LRRC4C: variants seen among roughly 807,000 people sequenced by gnomAD.
The protein encoded by LRRC4C is leucine rich repeat containing 4C.
In LRRC4C, 5 loss-of-function variants were observed where a neutral mutation model predicts 33.6. The observed-to-expected ratio is 0.15, with a 90% CI of 0.08 to 0.31. LRRC4C has a LOEUF of 0.31. Among genes scored for constraint, LRRC4C ranks in the 10% least tolerant of loss-of-function variants. The pLI is 1.00. For missense variants in LRRC4C, 560 were observed against 796.7 expected (o/e 0.70, Z 3.58); for synonymous variants, 329 against 302.0 (o/e 1.09, Z -0.93).
intron 5 of LRRC4C, among the ~76,000 whole-genome samples, chr11:40,146,611 A>G (rs1857753823): frequency 6.6e-6 from 1 of 152,200 alleles, no homozygotes; most frequent in Non-Finnish European, 1.5e-5. Flanking sequence ...GTAGAAAATC[A>G]CAAAGATGGT....
At chr11:41,208,306 AG>A (rs1300441647) in intron 1 of LRRC4C, among the ~76,000 whole-genome samples, 1 of 152,238 alleles carries the variant, frequency 6.6e-6, no homozygotes. Context: ...GTTACGGCTT[AG>A]TTTTCTTTTA....
chr11:40,558,974 G>A (rs1051285015), intron 3 of LRRC4C, among the ~76,000 whole-genome samples: 6 of 152,084 alleles, frequency 3.9e-5, no homozygotes, highest in South Asian at 2.1e-4. Context: ...TTTTGTTCCC[G>A]TGCTAGTTTG....
chr11:41,073,547 G>A (rs553932355), intron 1 of LRRC4C, among the ~76,000 whole-genome samples: 23 of 152,238 alleles, frequency 1.5e-4, no homozygotes, highest in Middle Eastern at 3.4e-3. Context: ...GTAGTCACAC[G>A]GCTAACCCAT....
chr11:40,594,125 T>C (rs1026234903), intron 3 of LRRC4C, among the ~76,000 whole-genome samples: 1 of 152,184 alleles, frequency 6.6e-6, no homozygotes, highest in African/African-American at 2.4e-5. Context: ...ATTGCAATAG[T>C]CCCTGATAGT....
chr11:40,271,167 G>A (rs752145740), intron 4 of LRRC4C, among the ~76,000 whole-genome samples: 1 of 152,208 alleles, frequency 6.6e-6, no homozygotes, highest in South Asian at 2.1e-4. Flanking sequence ...CTAAGAAAAT[G>A]TAACTGGTCT....
intron 3 of LRRC4C, among the ~76,000 whole-genome samples, chr11:40,509,498 TTTTA>T (rs1371438868): frequency 7.2e-5 from 11 of 152,136 alleles, no homozygotes; most frequent in South Asian, 2.1e-4. Context: ...TTTTTTTAAT[TTTTA>T]TTTATTTATT....
At chr11:40,123,659 T>G (rs151089775) in intron 6 of LRRC4C, among the ~76,000 whole-genome samples, 3 of 152,106 alleles carry the variant, frequency 2.0e-5, no homozygotes, top group African/African-American at 7.2e-5. Context: ...AATGTCCATA[T>G]TACACTAAGC....
At chr11:40,493,957 A>G (rs916439490) in intron 3 of LRRC4C, among the ~76,000 whole-genome samples, 1 of 152,098 alleles carries the variant, frequency 6.6e-6, no homozygotes, top group Non-Finnish European at 1.5e-5. Context: ...CTTAATTTTC[A>G]GTTAAAAGAA....
intron 2 of LRRC4C, among the ~76,000 whole-genome samples, chr11:40,912,170 C>T (rs868721600): frequency 4.6e-5 from 7 of 152,092 alleles, no homozygotes; most frequent in Non-Finnish European, 7.4e-5. Flanking sequence ...GGCAGGCCAA[C>T]GTTCAAATTC....
chr11:41,446,323 T>C (rs1590309011), intron 1 of LRRC4C, among the ~76,000 whole-genome samples: 4 of 152,246 alleles, frequency 2.6e-5, no homozygotes, highest in Non-Finnish European at 4.4e-5. Flanking sequence ...ACGGAGAGAC[T>C]TAAAACAAAA....
At chr11:40,557,727 T>C (rs535537624) in intron 3 of LRRC4C, among the ~76,000 whole-genome samples, 38 of 152,046 alleles carry the variant, frequency 2.5e-4, no homozygotes, top group African/African-American at 9.2e-4. Flanking sequence ...TATTAATAGG[T>C]AGTTATTTTT....
intron 1 of LRRC4C, among the ~76,000 whole-genome samples, chr11:41,031,339 A>G (rs1178981055): frequency 2.0e-5 from 3 of 151,978 alleles, no homozygotes; most frequent in Admixed American, 6.6e-5. Context: ...GACGAGCACT[A>G]GTGTAGTGCT....
rs560560616 is a variant in LRRC4C at position 41,438,190 on chromosome 11, A to C, written c.-496+21241T>G. Among the ~76,000 whole-genome samples, 54 of 152,254 alleles carry C rather than the reference A, an allele frequency of 3.5e-4. 1 individual carries two copies. The East Asian group carries it at 9.4e-3, about 27-fold the overall frequency. On this transcript the variant is annotated intron_variant, in intron 1 of 6. Transcript: ENST00000528697. ...TTTATGCAAATAACATGTGGCAGAC[A>C]CTGTACTTGTTGCCTAGATTTGTTT...
At chr11:40,439,382 C>G (rs1951288190) in intron 3 of LRRC4C, among the ~76,000 whole-genome samples, 1 of 151,738 alleles carries the variant, frequency 6.6e-6, no homozygotes, top group Non-Finnish European at 1.5e-5. Context: ...GAGAATTAGG[C>G]TCAGAATTAA....
intron 3 of LRRC4C, among the ~76,000 whole-genome samples, chr11:40,472,681 T>C (rs921773035): frequency 7.9e-5 from 12 of 151,692 alleles, no homozygotes; most frequent in African/African-American, 2.4e-4. Context: ...AGCTGGTTTT[T>C]TGAAAAGATT....
intron 1 of LRRC4C, among the ~76,000 whole-genome samples, chr11:41,334,892 A>G (rs1234231388): frequency 6.8e-6 from 1 of 146,768 alleles, no homozygotes; most frequent in African/African-American, 2.5e-5. Context: ...AAACAAACAA[A>G]CAAAAAACCA....
At position 41,440,659 on chromosome 11, in the gene LRRC4C, TCC is replaced by T. The variant is rs1488900531; in HGVS notation, c.-496+18770_-496+18771del. On this transcript the variant is annotated intron_variant, in intron 1 of 6. Coordinates refer to ENST00000528697, the MANE Select transcript of LRRC4C (RefSeq NM_001258419.2). Reference sequence around the variant, plus strand: ...ACCGAAATCTCATCTCAAATTGTAATCCCCATGTGTCACGGGAGGGACCTGGT... The same window carrying T: ...ACCGAAATCTCATCTCAAATTGTAATCCATGTGTCACGGGAGGGACCTGGT... Among the ~76,000 whole-genome samples, 3 of 152,108 alleles carry T rather than the reference TCC, an allele frequency of 2.0e-5. No homozygotes were observed. The South Asian group carries it at 6.2e-4, about 32-fold the overall frequency.
chr11:40,569,671 C>G (rs893499933), intron 3 of LRRC4C, among the ~76,000 whole-genome samples: 1 of 152,054 alleles, frequency 6.6e-6, no homozygotes, highest in African/African-American at 2.4e-5. Context: ...TAAATGATAT[C>G]ATACATATAA....
chr11:40,868,064 T>G (rs1954458459), intron 2 of LRRC4C, among the ~76,000 whole-genome samples: 1 of 152,134 alleles, frequency 6.6e-6, no homozygotes, highest in African/African-American at 2.4e-5. Flanking sequence ...ACGTAGTACT[T>G]AGGATTAGTC....
Sources: gnomAD v4.1 joint callset for allele counts (sites outside exome capture counted in the v4.1 genomes callset) on GRCh38, gnomAD v4.1.1 for gene constraint, MANE v1.5 for transcripts, NCBI Gene and HGNC (gene_info 2026-07-23, HGNC 2026-07-21) for gene names.